The following CNTNAP2 variants were observed in gnomAD, a reference collection of about 807,000 sequenced individuals.
CNTNAP2 encodes the protein contactin-associated protein-like 2.
CNTNAP2 carries 98 observed loss-of-function variants against 155.2 expected under a neutral mutation model. The observed-to-expected ratio is 0.63, with a 90% CI of 0.54 to 0.75. The LOEUF is 0.75. CNTNAP2 is among the 30% of genes least tolerant of loss of function. CNTNAP2 has a pLI of 0.00. For missense variants in CNTNAP2, 1,727 were observed against 1,688.1 expected (o/e 1.02, Z -0.40); for synonymous variants, 651 against 631.2 (o/e 1.03, Z -0.47).
chr7:147,390,772 G>T (rs1402249792), intron 9 of CNTNAP2, among the ~76,000 whole-genome samples: 4 of 152,094 alleles, frequency 2.6e-5, no homozygotes, highest in Non-Finnish European at 5.9e-5. Context: ...CACTGATTGT[G>T]TGGGAGGGAA....
At chr7:146,653,902 A>G (rs1017075420) in intron 1 of CNTNAP2, among the ~76,000 whole-genome samples, 1 of 152,150 alleles carries the variant, frequency 6.6e-6, no homozygotes, top group African/African-American at 2.4e-5. Flanking sequence ...TAGTGGCAGA[A>G]GTAGAAATCA....
At chr7:147,793,564 T>C (rs1797851564) in intron 13 of CNTNAP2, among the ~76,000 whole-genome samples, 1 of 152,114 alleles carries the variant, frequency 6.6e-6, no homozygotes, top group South Asian at 2.1e-4. Context: ...ACTGCCTTGA[T>C]TACTATAGCT....
rs146298097 is a variant in CNTNAP2 at position 147,650,402 on chromosome 7, C to T, written c.2098+11096C>T. Among the ~76,000 whole-genome samples, 497 of 152,236 alleles carry T rather than the reference C, an allele frequency of 3.3e-3. 2 individuals carry two copies. Among genetic ancestry groups the T allele is most frequent in the African/African-American group, 0.011 (444 of 41,538 alleles). ...CAACATGAGTTTAAACTGTGAGGGT[C>T]TGCTTACATGTGGATTTCTTCTGTC... On this transcript the variant is annotated intron_variant, in intron 13 of 23. Transcript: ENST00000361727.
intron 3 of CNTNAP2, among the ~76,000 whole-genome samples, chr7:147,040,451 A>ATTTTTTT (rs34880534): frequency 1.2e-5 from 1 of 80,830 alleles, no homozygotes; most frequent in African/African-American, 5.7e-5. Context: ...TTAAGAGTGA[A>ATTTTTTT]TTTTTTTTTT....
intron 16 of CNTNAP2, among the ~76,000 whole-genome samples, chr7:148,138,090 C>T (rs1804995706): frequency 6.6e-6 from 1 of 152,146 alleles, no homozygotes; most frequent in African/African-American, 2.4e-5. Context: ...CAAGTCAGTC[C>T]ACAGAAACCA....
At chr7:146,235,168 G>T (rs1008286743) in intron 1 of CNTNAP2, among the ~76,000 whole-genome samples, 3 of 127,552 alleles carry the variant, frequency 2.4e-5, no homozygotes, top group Admixed American at 1.8e-4. Context: ...TATAAAAGGG[G>T]CAGGAAGAAC....
At chr7:146,576,902 C>G (rs1039452000) in intron 1 of CNTNAP2, among the ~76,000 whole-genome samples, 1 of 152,022 alleles carries the variant, frequency 6.6e-6, no homozygotes, top group Non-Finnish European at 1.5e-5. Context: ...GATAAAATGC[C>G]TAACTCCTAA....
At chr7:148,192,628 A>C (rs1440811889) in intron 18 of CNTNAP2, among the ~76,000 whole-genome samples, 1 of 152,208 alleles carries the variant, frequency 6.6e-6, no homozygotes, top group Admixed American at 6.5e-5. Context: ...CTCCGTCTCA[A>C]AAAATAAAAA....
intron 15 of CNTNAP2, among the ~76,000 whole-genome samples, chr7:148,093,335 GTGTTTAA>G (rs1158487018): frequency 6.6e-6 from 1 of 152,200 alleles, no homozygotes; most frequent in Non-Finnish European, 1.5e-5. Flanking sequence ...GTAAAGAAAT[GTGTTTAA>G]CATTTTTACA....
chr7:146,167,841 A>G (rs554537685), intron 1 of CNTNAP2, among the ~76,000 whole-genome samples: 7 of 152,184 alleles, frequency 4.6e-5, no homozygotes, highest in Non-Finnish European at 8.8e-5. Flanking sequence ...CTGTAAGCTG[A>G]GAGGCAAGGA....
At chr7:148,128,067 G>A (rs374417965) in intron 16 of CNTNAP2, among the ~76,000 whole-genome samples, 2 of 151,940 alleles carry the variant, frequency 1.3e-5, no homozygotes, top group Non-Finnish European at 1.5e-5. Flanking sequence ...ACGGGGTTTC[G>A]CCATATTGCC....
At chr7:147,334,088 C>T (rs536106544) in intron 9 of CNTNAP2, among the ~76,000 whole-genome samples, 3 of 152,292 alleles carry the variant, frequency 2.0e-5, no homozygotes, top group African/African-American at 7.2e-5. Flanking sequence ...CAGTCCTACT[C>T]CCATCTTGAC....
At chr7:147,602,400 C>A (rs997974883) in intron 12 of CNTNAP2, among the ~76,000 whole-genome samples, 1 of 150,490 alleles carries the variant, frequency 6.6e-6, no homozygotes, top group African/African-American at 2.4e-5. Flanking sequence ...TTTTATTTAA[C>A]CCAATATATC....
chr7:146,816,604 G>A lies in CNTNAP2; in HGVS notation c.209-23107G>A, dbSNP rs76108941. 9.4e-4 allele frequency among the ~76,000 whole-genome samples: 143 copies of A among 152,270 alleles called. 1 individual carries two copies. Among genetic ancestry groups the A allele is most frequent in the African/African-American group, 3.4e-3 (141 of 41,548 alleles). ...ATACCACTAAAGATGTTAACCTAAG[G>A]AAAGTATAGAGTTATCAGTAATAAC... On this transcript the variant is annotated intron_variant, in intron 2 of 23. Transcript: ENST00000361727.
chr7:147,758,382 G>A (rs1244751475), intron 13 of CNTNAP2, among the ~76,000 whole-genome samples: 4 of 152,164 alleles, frequency 2.6e-5, no homozygotes, highest in African/African-American at 9.7e-5. Flanking sequence ...CAGGCAATGA[G>A]AGGACATTCC....
chr7:146,720,355 A>G (rs1801264054), intron 1 of CNTNAP2, among the ~76,000 whole-genome samples: 1 of 152,032 alleles, frequency 6.6e-6, no homozygotes, highest in African/African-American at 2.4e-5. Context: ...GCAGCTTTCC[A>G]CGTTACAAAA....
chr7:147,900,569 A>G (rs891461618), intron 13 of CNTNAP2, among the ~76,000 whole-genome samples: 7 of 152,122 alleles, frequency 4.6e-5, no homozygotes, highest in African/African-American at 1.7e-4. Flanking sequence ...ATCATTCTTT[A>G]TAGTAGTGTG....
At chr7:146,514,220 G>T (rs1797509339) in intron 1 of CNTNAP2, among the ~76,000 whole-genome samples, 1 of 151,860 alleles carries the variant, frequency 6.6e-6, no homozygotes, top group Admixed American at 6.6e-5. Flanking sequence ...TATCATTTGG[G>T]TTGTATTTAC....
chr7:147,354,989 C>T (rs1306510013), intron 9 of CNTNAP2, among the ~76,000 whole-genome samples: 1 of 151,888 alleles, frequency 6.6e-6, no homozygotes, highest in Non-Finnish European at 1.5e-5. Context: ...TGATTTTGTA[C>T]CCTGACACTT....
Sources: allele counts gnomAD v4.1 joint callset (sites outside exome capture counted in the v4.1 genomes callset), GRCh38; gene constraint gnomAD v4.1.1; transcripts MANE v1.5; gene names NCBI Gene and HGNC (gene_info 2026-07-23, HGNC 2026-07-21).